CFAP206: variants seen among roughly 807,000 people sequenced by gnomAD.
The protein encoded by CFAP206 is cilia- and flagella-associated protein 206.
A neutral mutation model predicts 65.4 loss-of-function variants in CFAP206; 53 were observed. That is an observed-to-expected ratio of 0.81 (90% CI 0.65 to 1.02). The LOEUF is 1.02. Among genes scored for constraint, CFAP206 ranks in the 50% least tolerant of loss-of-function variants. The pLI is 0.00. For synonymous variants in CFAP206, 250 were observed against 254.4 expected (o/e 0.98, Z 0.17); for missense variants, 663 against 753.2 (o/e 0.88, Z 1.40).
At chr6:87,415,985 A>G in intron 5 of CFAP206, 111 bp downstream of exon 5, 1 of 541,800 alleles carries the variant, frequency 1.8e-6, no homozygotes, top group Non-Finnish European at 2.5e-6. Context: ...TTTTATCTGA[A>G]AAAAAAAAAA....
intron 7 of CFAP206, among the ~76,000 whole-genome samples, chr6:87,419,121 G>GT (rs780396550): frequency 0.039 from 5,130 of 132,326 alleles, 108 homozygotes; most frequent in Middle Eastern, 0.089. Context: ...AAAAACGTTT[G>GT]TTTTTTTTTT....
chr6:87,408,940 C>A (rs1767677354), intron 1 of CFAP206, among the ~76,000 whole-genome samples: 1 of 152,208 alleles, frequency 6.6e-6, no homozygotes, highest in Non-Finnish European at 1.5e-5. Flanking sequence ...TACATGCCAA[C>A]TTCCATTGTG....
At chr6:87,429,272 G>A (rs950679602) in intron 9 of CFAP206, among the ~76,000 whole-genome samples, 7 of 150,958 alleles carry the variant, frequency 4.6e-5, no homozygotes, top group Non-Finnish European at 1.5e-5. Context: ...GAGAGGAGAT[G>A]TGGAAAACAG....
intron 11 of CFAP206, among the ~76,000 whole-genome samples, chr6:87,440,409 C>T (rs1256368981): frequency 6.6e-6 from 1 of 151,666 alleles, no homozygotes; most frequent in Non-Finnish European, 1.5e-5. Flanking sequence ...TTAATGTGGG[C>T]CATCACAATA....
At chr6:87,444,665 AT>A in intron 11 of CFAP206, 1 of 299,626 alleles carries the variant, frequency 3.3e-6, no homozygotes, top group South Asian at 3.2e-5. Flanking sequence ...TGAGTTCCTG[AT>A]CCCTCTGGGC....
intron 11 of CFAP206, among the ~76,000 whole-genome samples, chr6:87,453,972 A>C (rs1259786317): frequency 6.6e-6 from 1 of 152,182 alleles, no homozygotes; most frequent in African/African-American, 2.4e-5. Flanking sequence ...AACAAGACCC[A>C]ATGATCTGTT....
In CFAP206 at chr6:87,428,849, CTCT is replaced by C. The variant is rs776465980; in HGVS notation, c.1159+30_1159+32del. ...GGTAATGAAAATCATCCATTATTTC[CTCT>C]TCTTTTTAAAATTACCTCTAGAATA... On this transcript the variant is annotated intron_variant, in intron 9 of 12. Transcript: ENST00000369562. 5 of 1,593,952 alleles carry C rather than the reference CTCT, an allele frequency of 3.1e-6. No homozygotes were observed. In the East Asian group the frequency reaches 8.9e-5, roughly 28 times the overall value.
At chr6:87,428,901 T>A in intron 9 of CFAP206, 77 bp downstream of exon 9, 1 of 1,319,690 alleles carries the variant, frequency 7.6e-7, no homozygotes, top group South Asian at 1.2e-5. Flanking sequence ...GTTCTAAAAA[T>A]TTCATATCTT....
At chr6:87,410,773 C>G in intron 3 of CFAP206, 105 bp downstream of exon 3, 1 of 874,464 alleles carries the variant, frequency 1.1e-6, no homozygotes, top group East Asian at 2.5e-5. Context: ...CAAAAGCCCA[C>G]AAAATAGTAG....
chr6:87,425,213 C>T (rs1768018103), intron 7 of CFAP206, among the ~76,000 whole-genome samples: 1 of 152,144 alleles, frequency 6.6e-6, no homozygotes, highest in Non-Finnish European at 1.5e-5. Context: ...AATAATCACT[C>T]TTGTTATAAG....
chr6:87,414,009 T>C (rs192846814), intron 4 of CFAP206, 109 bp downstream of exon 4: 231 of 519,014 alleles, frequency 4.5e-4, no homozygotes, highest in African/African-American at 4.1e-3. Context: ...AATTTAACAA[T>C]TTAATTTTTG....
At chr6:87,412,418 A>C (rs1170748671) in intron 3 of CFAP206, among the ~76,000 whole-genome samples, 1 of 152,176 alleles carries the variant, frequency 6.6e-6, no homozygotes, top group Non-Finnish European at 1.5e-5. Flanking sequence ...TTCAGCCTAC[A>C]GAGTGAGCAG....
rs777191956 is a variant in CFAP206, at chr6:87,429,727, G to GT, written c.1159+909dup. On this transcript the variant is annotated intron_variant, in intron 9 of 12. Coordinates refer to ENST00000369562, the MANE Select transcript of CFAP206 (RefSeq NM_001031743.3). ...GATGTTGATGTTGCATAAAAAGAGA[G>GT]TTTTTTCAGAAACTGAAATTAATAA... 3.3e-5 allele frequency among the ~76,000 whole-genome samples: 5 copies of GT among 152,060 alleles called. No individual in the cohort carries two copies. In the East Asian group the frequency reaches 7.7e-4, roughly 23 times the overall value.
chr6:87,450,166 T>C (rs905184794), intron 11 of CFAP206, among the ~76,000 whole-genome samples: 3 of 152,190 alleles, frequency 2.0e-5, no homozygotes, highest in African/African-American at 7.2e-5. Flanking sequence ...TGTATTCTAT[T>C]CTATTAGTCT....
intron 4 of CFAP206, among the ~76,000 whole-genome samples, chr6:87,414,712 TTCTC>T (rs2127947593): frequency 6.6e-6 from 1 of 152,346 alleles, no homozygotes; most frequent in African/African-American, 2.4e-5. Flanking sequence ...ACAAGTCTAT[TTCTC>T]TATGGACTAC....
intron 6 of CFAP206, among the ~76,000 whole-genome samples, chr6:87,417,383 G>A (rs16879289): frequency 0.092 from 13,931 of 152,054 alleles, 706 homozygotes; most frequent in East Asian, 0.12. Flanking sequence ...TAGGCCCACT[G>A]ATAAGGTGTT....
chr6:87,444,676 C>G (rs1187321173), intron 11 of CFAP206: 1 of 331,368 alleles, frequency 3.0e-6, no homozygotes, highest in Non-Finnish European at 5.8e-6. Context: ...TCCCTCTGGG[C>G]TCTCTCATGC....
At chr6:87,413,669 G>GAA in intron 3 of CFAP206, 141 bp from the exon 4 acceptor site, 10 of 523,320 alleles carry the variant, frequency 1.9e-5, no homozygotes, top group Non-Finnish European at 2.0e-5. Flanking sequence ...TCCTCAAGGA[G>GAA]AAAAAAAAAA....
intron 11 of CFAP206, among the ~76,000 whole-genome samples, chr6:87,441,005 A>G (rs1310584169): frequency 6.6e-6 from 1 of 152,194 alleles, no homozygotes; most frequent in Non-Finnish European, 1.5e-5. Flanking sequence ...TAGCTCTTTG[A>G]TATACTAATG....
Sources: gnomAD v4.1 joint callset for allele counts (sites outside exome capture counted in the v4.1 genomes callset) on GRCh38, gnomAD v4.1.1 for gene constraint, MANE v1.5 for transcripts, NCBI Gene and HGNC (gene_info 2026-07-23, HGNC 2026-07-21) for gene names.